Variants in GREB1 observed in about 807,000 individuals in gnomAD.
GREB1 encodes protein GREB1.
A neutral mutation model predicts 200.7 loss-of-function variants in GREB1; 106 were observed. The observed-to-expected ratio is 0.53, with a 90% CI of 0.45 to 0.62. The LOEUF is 0.62. Among genes scored for constraint, GREB1 ranks in the 20% least tolerant of loss-of-function variants. GREB1 has a pLI of 0.00. For synonymous variants in GREB1, 1,132 were observed against 1,092.4 expected (o/e 1.04, Z -0.72); for missense variants, 2,243 against 2,556.8 (o/e 0.88, Z 2.65).
intron 4 of GREB1, among the ~76,000 whole-genome samples, chr2:11,575,387 T>G (rs1229731079): frequency 2.0e-5 from 3 of 152,232 alleles, no homozygotes; most frequent in African/African-American, 7.2e-5. Context: ...ATGGTCTGAA[T>G]AGGCTTTACA....
rs564155213 is a variant in GREB1, at chr2:11,635,366, C to T, written c.5307C>T (p.Ile1769=). 7 of 1,613,632 alleles carry T rather than the reference C, an allele frequency of 4.3e-6. No individual in the cohort carries two copies. Among genetic ancestry groups the T allele is most frequent in the East Asian group, 4.5e-5 (2 of 44,882 alleles). Reference sequence around the variant, plus strand: ...GCTTCAGCGTGATGAAGAAGCAGATCGTGGTGGGCGGCCACAGGTCCTTCC... The same window carrying T: ...GCTTCAGCGTGATGAAGAAGCAGATTGTGGTGGGCGGCCACAGGTCCTTCC... ...FNRFSVMKKQ[I]VVGGHRSFHI... Residue 1769 remains isoleucine, a synonymous_variant, in exon 30 of 33, where the codon ATC becomes ATT. Transcript: ENST00000381486.
In GREB1 at chr2:11,578,390, C is replaced by T; in HGVS notation, c.731C>T (p.Pro244Leu). 1 of 1,614,026 alleles carries T rather than the reference C, an allele frequency of 6.2e-7. No individual in the cohort carries two copies. Among genetic ancestry groups the T allele is most frequent in the Non-Finnish European group, 8.5e-7 (1 of 1,180,006 alleles). The stretch of plus-strand genomic sequence containing the variant: ...GCTGCCTTCCCCAGCGAGCCCGTTC[C>T]TGGGACGAACCCCAGCATCCTGATG... ...STAAFPSEPV[P>L]GTNPSILMGA... Residue 244 changes from proline (P) to leucine (L), a missense_variant, in exon 6 of 33, where the codon CCT becomes CTT. Pro to Leu is a moderately conservative substitution (Grantham distance 98). Coordinates refer to ENST00000381486, the MANE Select transcript of GREB1 (RefSeq NM_014668.4).
chr2:11,640,618 T>G lies in GREB1; in HGVS notation c.*164T>G. ...ACATGGGCCCCCGAGGCCGTGGTCC[T>G]GGGAGCCAGGAAGACTCCGCAGTGG... On this transcript the variant is annotated 3_prime_UTR_variant, in exon 33 of 33. Coordinates refer to ENST00000381486, the MANE Select transcript of GREB1 (RefSeq NM_014668.4). This position sits in a 1 kb window ranked among gnomAD's most constrained non-coding sequence, Gnocchi z 4.6. 1 of 742,392 alleles carries G rather than the reference T, an allele frequency of 1.3e-6. No homozygotes were observed. The allele number at this position is 742,392 out of a possible 1,614,324, so 46.0% of individuals were successfully genotyped here.
chr2:11,629,962 C>G lies in GREB1; in HGVS notation c.4464C>G (p.Thr1488=), dbSNP rs1193588272. The G allele has an allele frequency of 1.2e-6, 2 of 1,614,142 alleles. No homozygotes were observed. Among genetic ancestry groups the G allele is most frequent in the South Asian group, 1.1e-5 (1 of 91,060 alleles). ...FHPRYQLYES[T]LHAFAFSYSM... ...CCACACCCCAGCTGTATGAGTCCAC[C>G]CTGCACGCCTTTGCCTTCTCTTACT... is the stretch of plus-strand genomic sequence containing the variant. The change falls in exon 26 of 33, where the codon ACC becomes ACG. Residue 1488 remains threonine (T), a synonymous_variant. Coordinates refer to ENST00000381486, the MANE Select transcript of GREB1 (RefSeq NM_014668.4). The surrounding 1 kb of genome is among the most constrained non-coding windows in gnomAD (Gnocchi z 5.2).
Position 11,562,504 on chromosome 2 carries a change from G to A in GREB1, c.199G>A (p.Glu67Lys). The change falls in exon 3 of 33, where the codon GAA (glutamate) becomes AAA (lysine). Residue 67 changes from glutamate to lysine, a missense_variant. By Grantham distance (56) the Glu-to-Lys change is moderately conservative. Coordinates refer to ENST00000381486, the MANE Select transcript of GREB1 (RefSeq NM_014668.4). The stretch of plus-strand genomic sequence containing the variant: ...CAATGAGGAAGAGGAAGAAGAGGGA[G>A]AAGGAGGGCTGGAAACAAATGGCCC... ...VDNEEEEEEG[E>K]GGLETNGPPN... is the part of the protein sequence containing the mutation. 1 of 1,608,898 alleles carries A rather than the reference G, an allele frequency of 6.2e-7. No individual in the cohort carries two copies. The highest frequency in any genetic ancestry group is 1.3e-5 in the African/African-American group (1 of 74,382).
rs1390303645 is a variant in GREB1, at chr2:11,587,737, A to ACGCG, written c.1160-1008_1160-1007insGCGC. On this transcript the variant is annotated intron_variant, in intron 9 of 32. Coordinates refer to ENST00000381486, the MANE Select transcript of GREB1 (RefSeq NM_014668.4). Reference sequence around the variant, plus strand: ...CACACACACACACACACACACACACACACACGCCACCTTTGGGAGCTCAGC... The same window carrying ACGCG: ...CACACACACACACACACACACACACACGCGCACACGCCACCTTTGGGAGCTCAGC... 2.6e-4 allele frequency: 190 copies of ACGCG among 734,162 alleles called. 7 individuals are homozygous for ACGCG. The African/African-American group carries it at 3.0e-3, about 12-fold the overall frequency. The allele number at this position is 734,162 out of a possible 1,614,324, so 45.5% of individuals were successfully genotyped here. A position where few individuals can be genotyped will look rare whatever the true frequency, so the allele number is the denominator to read the frequency against.
intron 23 of GREB1, 103 bp from the exon 24 acceptor site, chr2:11,625,051 T>C (rs1270105548): frequency 1.1e-6 from 1 of 900,492 alleles, no homozygotes; most frequent in African/African-American, 1.6e-5. Context: ...AATCGCCTGA[T>C]GTCGCATTTC....
chr2:11,635,821 G>C (rs2148444691), intron 30 of GREB1, among the ~76,000 whole-genome samples: 1 of 152,306 alleles, frequency 6.6e-6, no homozygotes, highest in Non-Finnish European at 1.5e-5. Context: ...GAGAGACCTG[G>C]TATGATTATG....
chr2:11,496,397 T>A (rs772054045), intron 1 of GREB1, among the ~76,000 whole-genome samples: 1 of 152,230 alleles, frequency 6.6e-6, no homozygotes, highest in African/African-American at 2.4e-5. Flanking sequence ...GGCTCTGACC[T>A]GGCCCTTGGA....
intron 1 of GREB1, among the ~76,000 whole-genome samples, chr2:11,520,109 A>G (rs569612780): frequency 6.6e-6 from 1 of 152,258 alleles, no homozygotes; most frequent in South Asian, 2.1e-4. Flanking sequence ...TGGTACCCCA[A>G]TCTGGGAGAC....
chr2:11,537,556 A>G (rs1205308927), intron 1 of GREB1, among the ~76,000 whole-genome samples: 1 of 151,236 alleles, frequency 6.6e-6, no homozygotes, highest in African/African-American at 2.4e-5. Context: ...TCCAGAGCCC[A>G]TCATCTTAAA....
chr2:11,591,506 G>A, intron 10 of GREB1: 1 of 710,158 alleles, frequency 1.4e-6, no homozygotes, highest in Non-Finnish European at 2.6e-6. Context: ...TCAAAGACAT[G>A]CAAATCACAA....
At chr2:11,621,029 A>T in intron 23 of GREB1, 22 bp downstream of exon 23, 1 of 1,384,498 alleles carries the variant, frequency 7.2e-7, no homozygotes, top group Non-Finnish European at 1.0e-6. Flanking sequence ...GTTTGGGGTT[A>T]TGTGGGCTTG....
chr2:11,532,181 T>G (rs190835153), upstream of GREB1, among the ~76,000 whole-genome samples: 65 of 152,316 alleles, frequency 4.3e-4, no homozygotes, highest in Admixed American at 1.6e-3. Flanking sequence ...AATTCTTGCT[T>G]CTTAACTGCT....
chr2:11,540,936 A>C (rs76510381), intron 1 of GREB1, among the ~76,000 whole-genome samples: 1,832 of 152,306 alleles, frequency 0.012, 43 homozygotes, highest in African/African-American at 0.042. Context: ...TGCTTTTTTC[A>C]AGTCTTGTTT....
chr2:11,605,363 T>C (rs888067332), intron 17 of GREB1, among the ~76,000 whole-genome samples: 22 of 151,626 alleles, frequency 1.5e-4, no homozygotes, highest in African/African-American at 5.1e-4. Flanking sequence ...GTAGCTGGAA[T>C]TACAGGCGCT....
In GREB1 at chr2:11,598,861, G is replaced by A. The variant is rs779770571; in HGVS notation, c.2333+1G>A. ...ACCATGCGCACTGGGATCTTGTGAGGTTAGATTGACTTGATATATGACAAG... is the reference window on the plus strand; with the variant it reads ...ACCATGCGCACTGGGATCTTGTGAGATTAGATTGACTTGATATATGACAAG... On this transcript the variant is annotated splice_donor_variant, in intron 15 of 32. Coordinates refer to ENST00000381486, the MANE Select transcript of GREB1 (RefSeq NM_014668.4). LOFTEE classifies it high-confidence loss of function. The A allele has an allele frequency of 3.7e-6, 6 of 1,612,052 alleles. No individual in the cohort carries two copies. Among genetic ancestry groups the A allele is most frequent in the African/African-American group, 1.3e-5 (1 of 74,874 alleles).
At position 11,556,572 on chromosome 2, in the gene GREB1, A is replaced by T; in HGVS notation, c.-43A>T. ...GCGTGGAGCCAGGCTTTTGCACCGA[A>T]TCTGAGATGCCATTTTAAACAGAAG... On this transcript the variant is annotated 5_prime_UTR_variant, in exon 2 of 33. Transcript: ENST00000381486. The T allele has an allele frequency of 6.5e-7, 1 of 1,548,104 alleles. No individual in the cohort carries two copies. The highest frequency in any genetic ancestry group is 8.8e-7 in the Non-Finnish European group (1 of 1,134,602).
At chr2:11,527,279 A>C (rs1673910394) in intron 1 of GREB1, among the ~76,000 whole-genome samples, 1 of 152,234 alleles carries the variant, frequency 6.6e-6, no homozygotes, top group Admixed American at 6.5e-5. Context: ...TATTAGAAAG[A>C]AAGAGGCATG....
Sources: allele counts gnomAD v4.1 joint callset (sites outside exome capture counted in the v4.1 genomes callset), GRCh38; gene constraint gnomAD v4.1.1; non-coding constraint Gnocchi (gnomAD v3.1); transcripts MANE v1.5; gene names NCBI Gene and HGNC (gene_info 2026-07-23, HGNC 2026-07-21).